The following DLG5 variants were observed in gnomAD, a reference collection of about 807,000 sequenced individuals.
The protein encoded by DLG5 is disks large homolog 5.
A neutral mutation model predicts 189.8 loss-of-function variants in DLG5; 48 were observed. The observed-to-expected ratio is 0.25, with a 90% CI of 0.20 to 0.32. The LOEUF (loss-of-function observed/expected upper bound fraction) is 0.32, where lower values mean the gene tolerates loss of function less well. Among genes scored for constraint, DLG5 ranks in the 10% least tolerant of loss-of-function variants. The probability of loss-of-function intolerance (pLI) is 1.00; values close to 1 mark genes in which losing one functional copy is unlikely to be tolerated. For synonymous variants in DLG5, 1,016 were observed against 1,054.1 expected, an observed-to-expected ratio of 0.96 and a Z score of 0.70; for missense variants, 2,160 against 2,544.7, an observed-to-expected ratio of 0.85 and a Z score of 3.25.
At chr10:77,872,589 A>C (rs1844943848) in intron 1 of DLG5, among the ~76,000 whole-genome samples, 1 of 152,112 alleles carries the variant, frequency 6.6e-6, no homozygotes, top group Non-Finnish European at 1.5e-5. Flanking sequence ...CTTGGACGTC[A>C]TTAAGGGGGA....
the DLG5 span, among the ~76,000 whole-genome samples, chr10:77,937,874 ATTTTTTTT>A: frequency 9.6e-6 from 1 of 104,130 alleles, no homozygotes; most frequent in East Asian, 2.9e-4. Context: ...CACTCAGCTA[ATTTTTTTT>A]TTTTTTTTTT....
chr10:77,869,180 G>C lies in DLG5; in HGVS notation c.322C>G (p.Leu108Val). Reference sequence around the variant, plus strand: ...TCTGAGTCTGAGGGCATGGTGGACAGGACGCTGTAGGTAGAACCTGGGGAA... The same window carrying C: ...TCTGAGTCTGAGGGCATGGTGGACACGACGCTGTAGGTAGAACCTGGGGAA... Reference protein sequence around the residue: ...AEGAGSTYSVLSTMPSDSESS... With the variant: ...AEGAGSTYSVVSTMPSDSESS... Residue 108 changes from leucine (L) to valine (V), a missense_variant, in exon 2 of 32, where the codon CTG (leucine) becomes GTG (valine). Physicochemically the swap from Leu to Val is conservative, Grantham distance 32. This residue lies in a region of DLG5 where 664 missense variants were observed against 838.5 expected (regional missense o/e 0.79). Transcript: ENST00000372391. 1 of 1,613,788 alleles carries C rather than the reference G, an allele frequency of 6.2e-7. No individual in the cohort carries two copies. Among genetic ancestry groups the C allele is most frequent in the Non-Finnish European group, 8.5e-7 (1 of 1,179,894 alleles).
chr10:77,856,994 A>ACTTGTTGGGTC, intron 2 of DLG5, 102 bp from the exon 3 acceptor site: 6 of 1,110,394 alleles, frequency 5.4e-6, no homozygotes, highest in Non-Finnish European at 7.7e-6. Flanking sequence ...TTCGTGACCC[A>ACTTGTTGGGTC]ACAAGTGGGT....
rs562834774 is a variant in DLG5, at chr10:77,825,808, C to T, written c.2290-1332G>A. ...CTGAACTAAGGCAATCCACCCGCCT[C>T]GGCCTCCCAAAGTGCTAGGATTACA... On this transcript the variant is annotated intron_variant, in intron 13 of 31. Coordinates refer to ENST00000372391, the MANE Select transcript of DLG5 (RefSeq NM_004747.4). Among the ~76,000 whole-genome samples the T allele has an allele frequency of 4.6e-5, 7 of 152,222 alleles. 1 individual carries two copies. In the South Asian group the frequency reaches 1.2e-3, roughly 27 times the overall value.
At chr10:77,923,653 G>A (rs185790431) in intron 1 of DLG5, among the ~76,000 whole-genome samples, 7 of 152,260 alleles carry the variant, frequency 4.6e-5, no homozygotes, top group Non-Finnish European at 7.4e-5. Context: ...AGCTACTTGC[G>A]GGGCTGAGGC....
chr10:77,842,871 A>T (rs539188500), intron 6 of DLG5, among the ~76,000 whole-genome samples: 2 of 152,362 alleles, frequency 1.3e-5, no homozygotes, highest in South Asian at 4.1e-4. Flanking sequence ...CAGCAGAGAC[A>T]TCTGTCTGGG....
intron 1 of DLG5, among the ~76,000 whole-genome samples, chr10:77,905,613 ACT>A (rs1846051270): frequency 6.6e-6 from 1 of 152,022 alleles, no homozygotes; most frequent in Admixed American, 6.6e-5. Flanking sequence ...AGCATGGGTA[ACT>A]CTTTACCAAG....
chr10:77,923,538 C>T (rs1325141550), intron 1 of DLG5, among the ~76,000 whole-genome samples: 1 of 152,212 alleles, frequency 6.6e-6, no homozygotes, highest in Non-Finnish European at 1.5e-5. Flanking sequence ...GCAAGCAGAT[C>T]GCTTGAGCTC....
chr10:77,895,222 A>G (rs940423362), intron 1 of DLG5, among the ~76,000 whole-genome samples: 26 of 149,786 alleles, frequency 1.7e-4, no homozygotes, highest in African/African-American at 5.7e-4. Context: ...CTCTTCCTCC[A>G]CCCTGTCCCC....
intron 1 of DLG5, among the ~76,000 whole-genome samples, chr10:77,923,689 C>T (rs896052940): frequency 3.3e-5 from 5 of 152,046 alleles, no homozygotes; most frequent in Non-Finnish European, 7.4e-5. Context: ...GACCAGGAGG[C>T]GGAGGCTGCA....
At chr10:77,933,987 G>A in the DLG5 span, among the ~76,000 whole-genome samples, 1 of 150,866 alleles carries the variant, frequency 6.6e-6, no homozygotes. Flanking sequence ...AGCAGAGGTT[G>A]CAGTGAGCTG....
intron 13 of DLG5, among the ~76,000 whole-genome samples, chr10:77,825,379 C>CACACACACACACACACAA (rs1322879021): frequency 4.4e-5 from 5 of 113,206 alleles, no homozygotes. Flanking sequence ...CACAACCACA[C>CACACACACACACACACAA]ACACACACAC....
intron 7 of DLG5, 54 bp downstream of exon 7, chr10:77,841,827 T>G: frequency 6.4e-7 from 1 of 1,561,212 alleles, no homozygotes; most frequent in Non-Finnish European, 8.7e-7. Context: ...GCAGCCCCTC[T>G]TCCCGGGATG....
At chr10:77,888,727 GA>G (rs1845518713) in intron 1 of DLG5, among the ~76,000 whole-genome samples, 1 of 152,126 alleles carries the variant, frequency 6.6e-6, no homozygotes, top group African/African-American at 2.4e-5. Flanking sequence ...ACCCATTAAG[GA>G]CCATCCCAAA....
At chr10:77,855,439 C>CT (rs1022597945) in intron 3 of DLG5, among the ~76,000 whole-genome samples, 2 of 152,200 alleles carry the variant, frequency 1.3e-5, no homozygotes, top group Non-Finnish European at 2.9e-5. Flanking sequence ...GGTCAGCAAA[C>CT]TTTTTTTGCA....
chr10:77,867,471 T>C (rs1164515604), intron 2 of DLG5, among the ~76,000 whole-genome samples: 1 of 152,188 alleles, frequency 6.6e-6, no homozygotes, highest in East Asian at 1.9e-4. Flanking sequence ...CCCCACTCCA[T>C]GCACTTCCTG....
At chr10:77,885,930 G>T (rs1406918657) in intron 1 of DLG5, among the ~76,000 whole-genome samples, 1 of 152,116 alleles carries the variant, frequency 6.6e-6, no homozygotes, top group Non-Finnish European at 1.5e-5. Flanking sequence ...TGAAGGAAGT[G>T]CCCTCCAGCG....
Position 77,806,917 on chromosome 10 carries a change from T to C in DLG5, c.4808A>G (p.Asp1603Gly). The C allele has an allele frequency of 6.2e-7, 1 of 1,613,608 alleles. No homozygotes were observed. Among genetic ancestry groups the C allele is most frequent in the Non-Finnish European group, 8.5e-7 (1 of 1,179,584 alleles). The change falls in exon 26 of 32, where the codon GAC becomes GGC. Residue 1603 changes from aspartate to glycine, a missense_variant. Coordinates refer to ENST00000372391, the MANE Select transcript of DLG5 (RefSeq NM_004747.4). ...CTCTTGCTCCACATCTGCCAGCCGG[T>C]CGTACAGGGCCCTGGACCACAGCAC... ...GDSFYIRALY[D>G]RLADVEQELS...
intron 27 of DLG5, among the ~76,000 whole-genome samples, chr10:77,804,801 C>T (rs72815385): frequency 0.017 from 2,536 of 152,190 alleles, 25 homozygotes; most frequent in Non-Finnish European, 0.025. Flanking sequence ...CTGCAGAAAC[C>T]GACAGCTCTT....
Sources: gnomAD v4.1 joint callset for allele counts (sites outside exome capture counted in the v4.1 genomes callset) on GRCh38, gnomAD v4.1.1 for gene constraint, gnomAD v4.1.1 regional missense constraint, MANE v1.5 for transcripts, NCBI Gene and HGNC (gene_info 2026-07-23, HGNC 2026-07-21) for gene names.